The following AUTS2 variants were observed in gnomAD, a reference collection of about 807,000 sequenced individuals.
The protein encoded by AUTS2 is autism susceptibility gene 2 protein.
AUTS2 carries 17 observed loss-of-function variants against 112.4 expected under a neutral mutation model. That is an observed-to-expected ratio of 0.15 (90% CI 0.10 to 0.23). The LOEUF is 0.23. Among genes scored for constraint, AUTS2 ranks in the 10% least tolerant of loss-of-function variants. The pLI is 1.00. For missense variants in AUTS2, 1,510 were observed against 1,701.6 expected (o/e 0.89, Z 1.98); for synonymous variants, 751 against 702.7 (o/e 1.07, Z -1.09).
chr7:69,807,041 T>C (rs948775133), intron 1 of AUTS2, among the ~76,000 whole-genome samples: 1 of 152,176 alleles, frequency 6.6e-6, no homozygotes, highest in African/African-American at 2.4e-5. Flanking sequence ...TAATGTTTAG[T>C]TTCCTGGACC....
chr7:70,010,155 A>AT (rs964625878), intron 2 of AUTS2, among the ~76,000 whole-genome samples: 5 of 151,454 alleles, frequency 3.3e-5, no homozygotes, highest in African/African-American at 1.2e-4. Context: ...TTTTTAATTA[A>AT]TTTTTTTTGA....
At chr7:69,965,686 G>A (rs963435896) in intron 2 of AUTS2, among the ~76,000 whole-genome samples, 44 of 152,150 alleles carry the variant, frequency 2.9e-4, no homozygotes, top group Non-Finnish European at 2.5e-4. Context: ...AGAGGGGCCA[G>A]TAGGAACAGA....
chr7:70,227,372 A>G (rs997427657), intron 4 of AUTS2, among the ~76,000 whole-genome samples: 1 of 151,842 alleles, frequency 6.6e-6, no homozygotes, highest in Admixed American at 6.6e-5. Context: ...AATGTAGTGT[A>G]TTATATTTAT....
chr7:70,454,404 G>A (rs1221409001), intron 5 of AUTS2, among the ~76,000 whole-genome samples: 1 of 152,070 alleles, frequency 6.6e-6, no homozygotes, highest in African/African-American at 2.4e-5. Context: ...GGACGTGGTG[G>A]CAGGCACCTG....
chr7:69,752,514 G>T (rs1787781570), intron 1 of AUTS2, among the ~76,000 whole-genome samples: 1 of 152,184 alleles, frequency 6.6e-6, no homozygotes, highest in African/African-American at 2.4e-5. Context: ...CCAATAAAAG[G>T]ATAAGTTTAA....
chr7:70,457,105 T>C (rs548255363), intron 5 of AUTS2, among the ~76,000 whole-genome samples: 1 of 152,330 alleles, frequency 6.6e-6, no homozygotes, highest in East Asian at 1.9e-4. Flanking sequence ...GGACAGTCAG[T>C]GTGACAGTGA....
intron 4 of AUTS2, among the ~76,000 whole-genome samples, chr7:70,324,489 A>C (rs924112608): frequency 6.6e-6 from 1 of 151,984 alleles, no homozygotes; most frequent in Non-Finnish European, 1.5e-5. Context: ...GGGTGGGGTG[A>C]TGGTGTGCAT....
intron 5 of AUTS2, among the ~76,000 whole-genome samples, chr7:70,545,866 G>C (rs1316955534): frequency 6.6e-6 from 1 of 152,152 alleles, no homozygotes; most frequent in Admixed American, 6.5e-5. Context: ...AGGAGTGGGG[G>C]GAGTGGGTAG....
intron 2 of AUTS2, among the ~76,000 whole-genome samples, chr7:70,114,936 T>TA (rs1199776783): frequency 6.6e-6 from 1 of 152,238 alleles, no homozygotes; most frequent in Non-Finnish European, 1.5e-5. Context: ...TCTGACAGCT[T>TA]AAAATCCTAA....
chr7:70,534,131 C>G (rs535774860), intron 5 of AUTS2, among the ~76,000 whole-genome samples: 1 of 152,340 alleles, frequency 6.6e-6, no homozygotes, highest in South Asian at 2.1e-4. Context: ...TCCACATCGG[C>G]AGGCTTCCAG....
At chr7:70,655,496 C>T (rs112866771) in intron 5 of AUTS2, among the ~76,000 whole-genome samples, 26 of 152,174 alleles carry the variant, frequency 1.7e-4, no homozygotes, top group Admixed American at 4.6e-4. Context: ...GTTACTGAAA[C>T]GCCAAGTATA....
In AUTS2 at chr7:70,278,778, C is replaced by T. The variant is rs10248142; in HGVS notation, c.660+144207C>T. 4.7e-3 allele frequency among the ~76,000 whole-genome samples: 716 copies of T among 152,202 alleles called. 7 individuals carry two copies. The highest frequency in any genetic ancestry group is 0.017 in the African/African-American group (689 of 41,526). On this transcript the variant is annotated intron_variant, in intron 4 of 18. Coordinates refer to ENST00000342771, the MANE Select transcript of AUTS2 (RefSeq NM_015570.4). Reference sequence around the variant, plus strand: ...TTCTCAGACATACTGAAAATCAGCCCGAAAGTGTTTTCTGTTGTTTGGTTG... The same window carrying T: ...TTCTCAGACATACTGAAAATCAGCCTGAAAGTGTTTTCTGTTGTTTGGTTG...
chr7:70,151,397 T>A (rs1807431440), intron 4 of AUTS2, among the ~76,000 whole-genome samples: 1 of 152,190 alleles, frequency 6.6e-6, no homozygotes, highest in South Asian at 2.1e-4. Flanking sequence ...TAGAGTCAAG[T>A]ACATAGTAGG....
intron 2 of AUTS2, among the ~76,000 whole-genome samples, chr7:70,035,763 T>A (rs1338522370): frequency 6.6e-6 from 1 of 152,152 alleles, no homozygotes; most frequent in Non-Finnish European, 1.5e-5. Context: ...AATTTCTTGT[T>A]CCTCCTCATT....
chr7:70,653,738 TA>T (rs1806628542), intron 5 of AUTS2, among the ~76,000 whole-genome samples: 1 of 152,204 alleles, frequency 6.6e-6, no homozygotes, highest in Admixed American at 6.5e-5. Context: ...AATGACTAAA[TA>T]AATCTTGAGA....
intron 1 of AUTS2, among the ~76,000 whole-genome samples, chr7:69,870,492 A>G (rs550676992): frequency 1.4e-4 from 8 of 56,420 alleles, no homozygotes; most frequent in African/African-American, 4.2e-4. Context: ...ACAGACATAC[A>G]CACAGACATA....
intron 1 of AUTS2, among the ~76,000 whole-genome samples, chr7:69,818,187 G>A (rs1046467082): frequency 2.6e-5 from 4 of 152,186 alleles, no homozygotes; most frequent in African/African-American, 9.7e-5. Flanking sequence ...AGAAACTAAG[G>A]TGGTGTGTGA....
At position 70,088,869 on chromosome 7, in the gene AUTS2, A is replaced by T. The variant is rs148716153; in HGVS notation, c.523-29263A>T. On this transcript the variant is annotated intron_variant, in intron 2 of 18. Transcript: ENST00000342771. ...TCCGAGACCCATCTTGCTTTCTAAT[A>T]CAGTTTAATGCTATTTCTCCTTCAA... Among the ~76,000 whole-genome samples, 6 of 152,192 alleles carry T rather than the reference A, an allele frequency of 3.9e-5. No individual in the cohort carries two copies. The South Asian group carries it at 1.2e-3, about 32-fold the overall frequency.
chr7:70,416,451 C>T (rs546815690), intron 4 of AUTS2, among the ~76,000 whole-genome samples: 32 of 152,312 alleles, frequency 2.1e-4, no homozygotes, highest in African/African-American at 7.5e-4. Flanking sequence ...TCGGTGGGCT[C>T]TTTTGAATGG....
Sources: allele counts gnomAD v4.1 joint callset (sites outside exome capture counted in the v4.1 genomes callset), GRCh38; gene constraint gnomAD v4.1.1; transcripts MANE v1.5; gene names NCBI Gene and HGNC (gene_info 2026-07-23, HGNC 2026-07-21).